Variants in SORCS2 observed in about 807,000 individuals in gnomAD.
SORCS2 encodes sortilin related VPS10 domain containing receptor 2, also known as VPS10 domain-containing receptor SorCS2.
A neutral mutation model predicts 141.6 loss-of-function variants in SORCS2; 100 were observed. The observed-to-expected ratio is 0.71, with a 90% CI of 0.60 to 0.83. The LOEUF (loss-of-function observed/expected upper bound fraction) is 0.83, where lower values mean the gene tolerates loss of function less well. Ranked by LOEUF, SORCS2 falls within the 40% of genes least tolerant of loss-of-function variation. The pLI is 0.00. For missense variants in SORCS2, 1,646 were observed against 1,560.2 expected (o/e 1.05, Z -0.93); for synonymous variants, 789 against 676.9 (o/e 1.17, Z -2.57).
chr4:7,739,218 C>T (rs534220653), intron 26 of SORCS2, among the ~76,000 whole-genome samples: 7 of 152,322 alleles, frequency 4.6e-5, no homozygotes, highest in East Asian at 1.9e-4. Flanking sequence ...GTGTGCCCCC[C>T]GAAGGCCCCG....
intron 1 of SORCS2, among the ~76,000 whole-genome samples, chr4:7,249,908 A>G (rs1326675757): frequency 6.6e-6 from 1 of 152,174 alleles, no homozygotes; most frequent in Non-Finnish European, 1.5e-5. Context: ...GCGTGTGAGC[A>G]TGCCCTCAGC....
At chr4:7,657,114 C>T (rs997801262) in intron 5 of SORCS2, among the ~76,000 whole-genome samples, 1 of 152,252 alleles carries the variant, frequency 6.6e-6, no homozygotes, top group Non-Finnish European at 1.5e-5. Flanking sequence ...CTGGAGCAGG[C>T]ACCAGGCCTC....
chr4:7,340,642 C>G (rs1266431688), intron 1 of SORCS2, among the ~76,000 whole-genome samples: 2 of 152,232 alleles, frequency 1.3e-5, no homozygotes, highest in Non-Finnish European at 1.5e-5. Context: ...CACTCTTGCA[C>G]GTGAGCACGC....
rs370438381 is a variant in SORCS2, at chr4:7,627,593, G to C, written c.649-10735G>C. 1.7e-4 allele frequency among the ~76,000 whole-genome samples: 26 copies of C among 152,312 alleles called. No homozygotes were observed. In the South Asian group the frequency reaches 3.1e-3, roughly 18 times the overall value. ...CATTTGGCAGAGAGCTTTTATTTGA[G>C]GGGCAAAGCTCTCATTAACTCATAA... On this transcript the variant is annotated intron_variant, in intron 3 of 26. Coordinates refer to ENST00000507866, the MANE Select transcript of SORCS2 (RefSeq NM_020777.3).
At chr4:7,589,754 T>C (rs939776049) in intron 3 of SORCS2, among the ~76,000 whole-genome samples, 1 of 152,178 alleles carries the variant, frequency 6.6e-6, no homozygotes, top group Admixed American at 6.5e-5. Flanking sequence ...AGGACATGGA[T>C]GGTAGGAACT....
intron 14 of SORCS2, among the ~76,000 whole-genome samples, chr4:7,710,539 T>C (rs2359610): frequency 0.83 from 126,787 of 152,160 alleles, 52,923 homozygotes; most frequent in African/African-American, 0.88. Flanking sequence ...GACCCTCAGA[T>C]GCTGTTTAAG....
At chr4:7,733,523 C>T (rs1424490267) in intron 24 of SORCS2, 102 bp downstream of exon 24, 1 of 943,274 alleles carries the variant, frequency 1.1e-6, no homozygotes, top group Non-Finnish European at 1.6e-6. Flanking sequence ...CCCGTATCCC[C>T]CTCCTGGTGG....
At chr4:7,446,275 G>A (rs550005829) in intron 2 of SORCS2, among the ~76,000 whole-genome samples, 1 of 152,274 alleles carries the variant, frequency 6.6e-6, no homozygotes, top group East Asian at 1.9e-4. Context: ...AGGGACACAA[G>A]CACTCGGCCC....
At chr4:7,248,904 G>A (rs374736089) in intron 1 of SORCS2, among the ~76,000 whole-genome samples, 1 of 152,302 alleles carries the variant, frequency 6.6e-6, no homozygotes, top group East Asian at 1.9e-4. Context: ...TGGCACTGTA[G>A]GGATGGGGAC....
In SORCS2 at chr4:7,739,061, C is replaced by T. The variant is rs78435626; in HGVS notation, c.3416-1139C>T. ...CCCCAGCTCAGCGCCTCCCAGACAC[C>T]GTCTGACTTCCCGGAGGCAGTCATC... On this transcript the variant is annotated intron_variant, in intron 26 of 26. Transcript: ENST00000507866. Among the ~76,000 whole-genome samples the T allele has an allele frequency of 2.8e-3, 422 of 152,304 alleles. 2 individuals are homozygous for T. The highest frequency in any genetic ancestry group is 9.2e-3 in the African/African-American group (384 of 41,576).
chr4:7,238,855 G>A (rs1243750668), intron 1 of SORCS2, among the ~76,000 whole-genome samples: 2 of 152,180 alleles, frequency 1.3e-5, no homozygotes, highest in African/African-American at 2.4e-5. Flanking sequence ...GCCCTCTGAG[G>A]TCTGTCCCGG....
chr4:7,253,468 A>G (rs1713641678), intron 1 of SORCS2, among the ~76,000 whole-genome samples: 1 of 152,224 alleles, frequency 6.6e-6, no homozygotes, highest in Non-Finnish European at 1.5e-5. Flanking sequence ...AAGGCACTAC[A>G]GAAGAGGGAT....
At chr4:7,328,919 G>A (rs1161708707) in intron 1 of SORCS2, among the ~76,000 whole-genome samples, 6 of 152,216 alleles carry the variant, frequency 3.9e-5, no homozygotes, top group Admixed American at 1.3e-4. Flanking sequence ...TCAGGGGAGG[G>A]ACTGGGCTCC....
At chr4:7,524,633 A>T (rs1455635937) in intron 2 of SORCS2, among the ~76,000 whole-genome samples, 1 of 151,888 alleles carries the variant, frequency 6.6e-6, no homozygotes, top group Non-Finnish European at 1.5e-5. Context: ...AGAGTTTAGA[A>T]TAATGGCCAG....
At chr4:7,351,792 CATCT>C (rs1720959241) in intron 1 of SORCS2, among the ~76,000 whole-genome samples, 5 of 151,830 alleles carry the variant, frequency 3.3e-5, no homozygotes, top group Admixed American at 3.3e-4. Context: ...ATCATCCATC[CATCT>C]ATCCATCACC....
intron 23 of SORCS2, among the ~76,000 whole-genome samples, chr4:7,731,756 C>T (rs1370165414): frequency 6.6e-6 from 1 of 152,164 alleles, no homozygotes; most frequent in East Asian, 1.9e-4. Context: ...ACTGAATATC[C>T]ACATGCAGAA....
At chr4:7,531,013 G>A (rs1365467272) in intron 2 of SORCS2, among the ~76,000 whole-genome samples, 2 of 152,134 alleles carry the variant, frequency 1.3e-5, no homozygotes, top group Non-Finnish European at 2.9e-5. Flanking sequence ...TGGAGGATGG[G>A]GCTCCCTGGA....
At chr4:7,578,429 C>A (rs1228684021) in intron 3 of SORCS2, among the ~76,000 whole-genome samples, 1 of 152,156 alleles carries the variant, frequency 6.6e-6, no homozygotes, top group Non-Finnish European at 1.5e-5. Context: ...ACCTAAAGTC[C>A]TTTGAAAGTT....
At chr4:7,740,084 G>T in intron 26 of SORCS2, 116 bp from the exon 27 acceptor site, 1 of 801,408 alleles carries the variant, frequency 1.2e-6, no homozygotes, top group East Asian at 2.7e-5. Flanking sequence ...GGAAGCCAGG[G>T]AGGCCCACTG....
Sources: gnomAD v4.1 joint callset for allele counts (sites outside exome capture counted in the v4.1 genomes callset) on GRCh38, gnomAD v4.1.1 for gene constraint, MANE v1.5 for transcripts, NCBI Gene and HGNC (gene_info 2026-07-23, HGNC 2026-07-21) for gene names.